Variants in CHSY3 observed in about 807,000 individuals in gnomAD.
The protein encoded by CHSY3 is chondroitin sulfate synthase 3.
A neutral mutation model predicts 67.2 loss-of-function variants in CHSY3; 35 were observed. The ratio of observed to expected loss-of-function variants is 0.52; its 90% CI spans 0.40 to 0.69. CHSY3 has a LOEUF of 0.69. Among genes scored for constraint, CHSY3 ranks in the 30% least tolerant of loss-of-function variants. The pLI, the probability that CHSY3 is intolerant of heterozygous loss-of-function variation, is 0.00. For synonymous variants in CHSY3, 474 were observed against 434.7 expected (o/e 1.09, Z -1.12); for missense variants, 1,069 against 1,138.5 (o/e 0.94, Z 0.88).
At chr5:130,170,995 G>C (rs770764217) in intron 2 of CHSY3, among the ~76,000 whole-genome samples, 1 of 152,090 alleles carries the variant, frequency 6.6e-6, no homozygotes, top group Non-Finnish European at 1.5e-5. Context: ...GAAGGGAGTC[G>C]TTATGTTGGT....
In CHSY3 at chr5:130,184,624, A is replaced by G. The variant is rs753189646; in HGVS notation, c.1482A>G (p.Ala494=). The G allele has an allele frequency of 2.5e-6, 4 of 1,606,100 alleles. No homozygotes were observed. In the South Asian group the frequency reaches 4.4e-5, roughly 18 times the overall value. ...GCCTCAGTAGCATTTTAAGAACAGCACTGGATGATACCGTCCTACAGGTGA... is the reference window on the plus strand; with the variant it reads ...GCCTCAGTAGCATTTTAAGAACAGCGCTGGATGATACCGTCCTACAGGTGA... ...RQSLSSILRT[A]LDDTVLQVME... Residue 494 remains alanine (A), a synonymous_variant, in exon 3 of 3, where the codon GCA becomes GCG. Transcript: ENST00000305031.
chr5:129,910,085 A>G (rs960151454), intron 2 of CHSY3, among the ~76,000 whole-genome samples: 9 of 151,946 alleles, frequency 5.9e-5, no homozygotes, highest in African/African-American at 2.2e-4. Context: ...TTGATTTAAT[A>G]TTTTATTTAT....
At chr5:130,031,079 T>G (rs1036764387) in intron 2 of CHSY3, among the ~76,000 whole-genome samples, 1 of 151,944 alleles carries the variant, frequency 6.6e-6, no homozygotes, top group African/African-American at 2.4e-5. Flanking sequence ...CAAATGAGAT[T>G]GGCTCATTCC....
intron 2 of CHSY3, among the ~76,000 whole-genome samples, chr5:130,090,233 G>C (rs1380167928): frequency 6.6e-6 from 1 of 152,118 alleles, no homozygotes; most frequent in South Asian, 2.1e-4. Context: ...AGAGGTAATG[G>C]GGCAGAAAAG....
rs745528081 is a variant in CHSY3, at chr5:129,908,201, T to C, written c.927T>C (p.Cys309=). ...KLGLEPGENF[C]MGGPGMIFSR... ...GACTGGAGCCTGGGGAAAACTTCTG[T>C]ATGGGAGGACCTGGCATGATCTTTA... The change falls in exon 2 of 3, where the codon TGT becomes TGC. Residue 309 remains cysteine, a synonymous_variant. Coordinates refer to ENST00000305031, the MANE Select transcript of CHSY3 (RefSeq NM_175856.5). 1 of 1,614,182 alleles carries C rather than the reference T, an allele frequency of 6.2e-7. No homozygotes were observed. Among genetic ancestry groups the C allele is most frequent in the Non-Finnish European group, 8.5e-7 (1 of 1,180,028 alleles).
intron 2 of CHSY3, among the ~76,000 whole-genome samples, chr5:129,966,885 C>T (rs984770756): frequency 6.6e-6 from 1 of 151,686 alleles, no homozygotes; most frequent in African/African-American, 2.4e-5. Context: ...TCAAGTTGTC[C>T]CTCCTACAGT....
chr5:130,174,298 TAA>T (rs1187464665), intron 2 of CHSY3, among the ~76,000 whole-genome samples: 7 of 144,534 alleles, frequency 4.8e-5, no homozygotes, highest in Admixed American at 6.9e-5. Flanking sequence ...CCTTTCTCGT[TAA>T]AAAAAAAAAA....
intron 2 of CHSY3, among the ~76,000 whole-genome samples, chr5:130,014,056 C>A (rs189690687): frequency 4.6e-4 from 70 of 152,298 alleles, no homozygotes; most frequent in African/African-American, 1.6e-3. Flanking sequence ...TAAAGCATAG[C>A]GAGAGTCACC....
At chr5:130,156,510 A>G (rs1769378179) in intron 2 of CHSY3, among the ~76,000 whole-genome samples, 1 of 152,248 alleles carries the variant, frequency 6.6e-6, no homozygotes. Flanking sequence ...GAAAAGTGGA[A>G]TGACAAAGGC....
At chr5:130,057,481 A>C (rs1332587469) in intron 2 of CHSY3, among the ~76,000 whole-genome samples, 1 of 152,184 alleles carries the variant, frequency 6.6e-6, no homozygotes, top group Non-Finnish European at 1.5e-5. Flanking sequence ...AAACTACAGA[A>C]AACTTAATGT....
intron 2 of CHSY3, among the ~76,000 whole-genome samples, chr5:130,037,430 T>C (rs1238399891): frequency 2.6e-5 from 4 of 152,080 alleles, no homozygotes; most frequent in African/African-American, 7.2e-5. Flanking sequence ...AAATGAGCAG[T>C]TGGAAAAATT....
At chr5:130,165,731 A>G (rs1769727444) in intron 2 of CHSY3, among the ~76,000 whole-genome samples, 1 of 152,044 alleles carries the variant, frequency 6.6e-6, no homozygotes, top group Non-Finnish European at 1.5e-5. Flanking sequence ...GTATATATGT[A>G]TATGTATTTA....
At chr5:130,141,315 T>C in intron 2 of CHSY3, 1 of 393,088 alleles carries the variant, frequency 2.5e-6, no homozygotes, top group Non-Finnish European at 5.0e-6. Context: ...ATTACCTACT[T>C]TGACAACCAG....
intron 1 of CHSY3, among the ~76,000 whole-genome samples, chr5:129,907,073 T>C (rs1346563867): frequency 2.0e-5 from 3 of 152,216 alleles, no homozygotes; most frequent in African/African-American, 7.2e-5. Flanking sequence ...TCCTCTACTT[T>C]AAGTTCCTTG....
At chr5:130,131,310 T>C (rs1301224323) in intron 2 of CHSY3, among the ~76,000 whole-genome samples, 3 of 152,126 alleles carry the variant, frequency 2.0e-5, no homozygotes, top group Non-Finnish European at 2.9e-5. Flanking sequence ...GACACCACTG[T>C]TGCCTCTTAC....
chr5:130,157,577 T>C (rs1769409118), intron 2 of CHSY3, among the ~76,000 whole-genome samples: 1 of 152,212 alleles, frequency 6.6e-6, no homozygotes, highest in African/African-American at 2.4e-5. Flanking sequence ...TTTCTATGGG[T>C]CACATCTGTC....
intron 2 of CHSY3, among the ~76,000 whole-genome samples, chr5:130,062,644 TTAAAG>T (rs1765752792): frequency 2.0e-5 from 3 of 152,238 alleles, no homozygotes; most frequent in South Asian, 2.1e-4. Flanking sequence ...TGCAGTGAAA[TTAAAG>T]TAATTTCAGA....
intron 2 of CHSY3, among the ~76,000 whole-genome samples, chr5:130,054,490 G>A: frequency 6.6e-6 from 1 of 152,194 alleles, no homozygotes; most frequent in East Asian, 1.9e-4. Flanking sequence ...AGAAGATAAG[G>A]CCCAGAGCCC....
intron 2 of CHSY3, chr5:130,139,883 A>G (rs1379704975): frequency 6.6e-6 from 1 of 152,226 alleles, no homozygotes; most frequent in African/African-American, 2.4e-5. Flanking sequence ...ACTACTTCCT[A>G]CTACAGCTAA....
Sources: gnomAD v4.1 joint callset for allele counts (sites outside exome capture counted in the v4.1 genomes callset) on GRCh38, gnomAD v4.1.1 for gene constraint, MANE v1.5 for transcripts, NCBI Gene and HGNC (gene_info 2026-07-23, HGNC 2026-07-21) for gene names.